Variants in ZFAND3 observed in about 807,000 individuals in gnomAD.
The protein encoded by ZFAND3 is AN1-type zinc finger protein 3.
In ZFAND3, 10 loss-of-function variants were observed where a neutral mutation model predicts 29.6. The observed-to-expected ratio is 0.34, with a 90% CI of 0.21 to 0.57. The LOEUF is 0.57. Ranked by LOEUF, ZFAND3 falls within the 20% of genes least tolerant of loss-of-function variation. The pLI is 0.86. For synonymous variants in ZFAND3, 128 were observed against 112.6 expected (o/e 1.14, Z -0.87); for missense variants, 230 against 304.5 (o/e 0.76, Z 1.82).
At chr6:37,884,630 C>T (rs1764958248) in intron 1 of ZFAND3, among the ~76,000 whole-genome samples, 2 of 144,366 alleles carry the variant, frequency 1.4e-5, no homozygotes, top group Admixed American at 6.7e-5. Context: ...GACCAAAAGG[C>T]CAAATGAAAA....
chr6:38,078,721 A>G (rs1049285936), intron 3 of ZFAND3, among the ~76,000 whole-genome samples: 2 of 152,186 alleles, frequency 1.3e-5, no homozygotes, highest in Non-Finnish European at 2.9e-5. Flanking sequence ...AGTCCCGGTC[A>G]ACACACACAC....
intron 3 of ZFAND3, among the ~76,000 whole-genome samples, chr6:38,081,950 G>A (rs1303455896): frequency 6.6e-6 from 1 of 152,014 alleles, no homozygotes; most frequent in Admixed American, 6.6e-5. Flanking sequence ...CCCTTATTAT[G>A]TAAGGCTAGT....
chr6:37,829,484 A>C (rs1249453316), intron 1 of ZFAND3, among the ~76,000 whole-genome samples: 3 of 151,838 alleles, frequency 2.0e-5, no homozygotes, highest in African/African-American at 7.3e-5. Context: ...GCAGTGAGCC[A>C]AGATTGCACT....
chr6:37,933,325 A>G (rs1761633275), intron 2 of ZFAND3, among the ~76,000 whole-genome samples: 2 of 152,222 alleles, frequency 1.3e-5, no homozygotes, highest in Admixed American at 6.5e-5. Context: ...ATGAAATGGG[A>G]AAAACATCTT....
chr6:38,032,792 A>ACTT (rs1291143282), intron 2 of ZFAND3, among the ~76,000 whole-genome samples: 3 of 152,202 alleles, frequency 2.0e-5, no homozygotes, highest in African/African-American at 7.2e-5. Context: ...CTTACCATGA[A>ACTT]CGTAGAAAAC....
At chr6:37,903,620 G>C (rs1303030281) in intron 1 of ZFAND3, among the ~76,000 whole-genome samples, 2 of 152,220 alleles carry the variant, frequency 1.3e-5, no homozygotes, top group South Asian at 2.1e-4. Flanking sequence ...TCTTGGGTGG[G>C]AGAGATAAAG....
In ZFAND3 at chr6:38,041,666, TCTTCTTCTTCTTCTTCTTCTCCTTCTC is replaced by T. The variant is rs1561976694; in HGVS notation, c.113-19921_113-19895del. On this transcript the variant is annotated intron_variant, in intron 2 of 5. Transcript: ENST00000287218. ...TTCTTCTTCTTCTTCTTCTTCTTCTTCTTCTTCTTCTTCTTCTTCTCCTTCTCCTTCTCCTCCTCCTCCTCCTCCTCC... is the reference window on the plus strand; with the variant it reads ...TTCTTCTTCTTCTTCTTCTTCTTCTTCTTCTCCTCCTCCTCCTCCTCCTCC... Among the ~76,000 whole-genome samples the T allele has an allele frequency of 5.7e-4, 13 of 22,736 alleles. 1 individual carries two copies. Among genetic ancestry groups the T allele is most frequent in the African/African-American group, 1.8e-3 (11 of 6,080 alleles). 14.9% of individuals were successfully genotyped at this position (22,736 alleles called of 152,430 possible). A position where few individuals can be genotyped will look rare whatever the true frequency, so the allele number is the denominator to read the frequency against.
At chr6:37,876,453 A>G (rs1019965146) in intron 1 of ZFAND3, among the ~76,000 whole-genome samples, 3 of 152,246 alleles carry the variant, frequency 2.0e-5, no homozygotes, top group African/African-American at 7.2e-5. Context: ...AAGGCTTTAA[A>G]GTAAAGGTAC....
rs749611332 is a variant in ZFAND3, at chr6:38,082,491, A to G, written c.361+34A>G. 3 of 1,588,352 alleles carry G rather than the reference A, an allele frequency of 1.9e-6. No individual in the cohort carries two copies. The South Asian group carries it at 3.4e-5, about 18-fold the overall frequency. ...GTCATTCTTATGTGAATTCATCCTTATTTGAATTCTTCACAGAAGTTAGCA... is the reference window on the plus strand; with the variant it reads ...GTCATTCTTATGTGAATTCATCCTTGTTTGAATTCTTCACAGAAGTTAGCA... On this transcript the variant is annotated intron_variant, in intron 4 of 5. Transcript: ENST00000287218.
chr6:38,092,350 C>T (rs187208106), intron 4 of ZFAND3, among the ~76,000 whole-genome samples: 3 of 152,196 alleles, frequency 2.0e-5, no homozygotes, highest in Non-Finnish European at 4.4e-5. Flanking sequence ...TGTATCTTGC[C>T]CCTGGGAGCT....
chr6:37,878,427 A>T (rs1045224302), intron 1 of ZFAND3, among the ~76,000 whole-genome samples: 1 of 151,916 alleles, frequency 6.6e-6, no homozygotes, highest in Non-Finnish European at 1.5e-5. Flanking sequence ...CCAGCGCTTG[A>T]TGTAGCTCTG....
intron 1 of ZFAND3, among the ~76,000 whole-genome samples, chr6:37,858,004 T>TAGG (rs1169023796): frequency 6.6e-6 from 1 of 152,230 alleles, no homozygotes; most frequent in Non-Finnish European, 1.5e-5. Flanking sequence ...CTTCCTAGAC[T>TAGG]AGGAGTTAGA....
intron 2 of ZFAND3, among the ~76,000 whole-genome samples, chr6:37,993,204 A>G (rs1213074766): frequency 6.6e-6 from 1 of 152,232 alleles, no homozygotes; most frequent in Admixed American, 6.5e-5. Context: ...AGGTTATTTA[A>G]TAGCCTATGT....
intron 2 of ZFAND3, among the ~76,000 whole-genome samples, chr6:38,025,916 A>G (rs1763438810): frequency 6.6e-6 from 1 of 152,180 alleles, no homozygotes; most frequent in Non-Finnish European, 1.5e-5. Flanking sequence ...GCTAAAGGGT[A>G]CAGGGTTTCT....
Position 38,154,376 on chromosome 6 carries a change from G to C in ZFAND3, c.*1987G>C. 1.3e-6 allele frequency: 1 copy of C among 777,500 alleles called. No individual in the cohort carries two copies. Among genetic ancestry groups the C allele is most frequent in the Non-Finnish European group, 1.6e-6 (1 of 640,412 alleles). The allele number at this position is 777,500 out of a possible 1,614,324, so 48.2% of individuals were successfully genotyped here. A position where few individuals can be genotyped will look rare whatever the true frequency, so the allele number is the denominator to read the frequency against. ...TGTTCGCTTCCTGACTTAGAGCTGG[G>C]GGGGGTGGGGGGTGGGGCTTGTTCC... On this transcript the variant is annotated 3_prime_UTR_variant, in exon 6 of 6. Transcript: ENST00000287218.
intron 1 of ZFAND3, among the ~76,000 whole-genome samples, chr6:37,869,437 C>T (rs899855220): frequency 3.9e-5 from 6 of 151,932 alleles, no homozygotes; most frequent in African/African-American, 9.7e-5. Flanking sequence ...GGATTACAGG[C>T]GTCAGCCACC....
intron 2 of ZFAND3, among the ~76,000 whole-genome samples, chr6:37,939,252 TG>T (rs1290171659): frequency 2.6e-5 from 4 of 152,194 alleles, no homozygotes; most frequent in Non-Finnish European, 5.9e-5. Flanking sequence ...CTAGAACCTT[TG>T]AGGGAGAATT....
chr6:37,948,638 G>A (rs1761942284), intron 2 of ZFAND3, among the ~76,000 whole-genome samples: 1 of 152,072 alleles, frequency 6.6e-6, no homozygotes, highest in Non-Finnish European at 1.5e-5. Flanking sequence ...GTAGGCCTGC[G>A]TATCTATATT....
chr6:38,050,559 T>A (rs1245742034), intron 2 of ZFAND3, among the ~76,000 whole-genome samples: 2 of 152,172 alleles, frequency 1.3e-5, no homozygotes, highest in Non-Finnish European at 2.9e-5. Flanking sequence ...TTTCCCTGTT[T>A]GCTTGGCACT....
Sources: gnomAD v4.1 joint callset for allele counts (sites outside exome capture counted in the v4.1 genomes callset) on GRCh38, gnomAD v4.1.1 for gene constraint, MANE v1.5 for transcripts, NCBI Gene and HGNC (gene_info 2026-07-23, HGNC 2026-07-21) for gene names.